The following RHPN2 variants were observed in gnomAD, a reference collection of about 807,000 sequenced individuals.
The protein encoded by RHPN2 is rhophilin-2.
A neutral mutation model predicts 79.0 loss-of-function variants in RHPN2; 40 were observed. That is an observed-to-expected ratio of 0.51 (90% confidence interval 0.39 to 0.66). RHPN2 has a LOEUF of 0.66. Among genes scored for constraint, RHPN2 ranks in the 30% least tolerant of loss-of-function variants. The probability of loss-of-function intolerance (pLI) is 0.00; values close to 1 mark genes in which losing one functional copy is unlikely to be tolerated. For missense variants in RHPN2, 686 were observed against 883.5 expected (o/e 0.78, Z 2.83); for synonymous variants, 285 against 363.5 (o/e 0.78, Z 2.46).
intron 7 of RHPN2, 117 bp downstream of exon 7, chr19:33,007,897 C>G: frequency 4.7e-6 from 5 of 1,068,056 alleles, no homozygotes; most frequent in Non-Finnish European, 6.8e-6. Flanking sequence ...TACACCAGAG[C>G]TGGAGACTGG....
intron 2 of RHPN2, among the ~76,000 whole-genome samples, chr19:33,035,100 G>T (rs1353569225): frequency 6.6e-6 from 1 of 152,018 alleles, no homozygotes; most frequent in Non-Finnish European, 1.5e-5. Context: ...CCAAGTAGCT[G>T]GAGTTACAGT....
At chr19:33,044,484 C>T (rs1248385687) in intron 1 of RHPN2, 120 bp from the exon 2 acceptor site, 15 of 753,662 alleles carry the variant, frequency 2.0e-5, no homozygotes, top group African/African-American at 3.5e-5. Flanking sequence ...AAAGCATCTA[C>T]ATAGAAAATA....
intron 10 of RHPN2, among the ~76,000 whole-genome samples, chr19:32,997,191 G>A (rs1343822583): frequency 2.6e-5 from 4 of 152,022 alleles, no homozygotes; most frequent in South Asian, 2.1e-4. Context: ...GAGTCACCGC[G>A]CCCAGCCCAA....
intron 4 of RHPN2, among the ~76,000 whole-genome samples, chr19:33,018,850 T>C (rs866523822): frequency 6.8e-6 from 1 of 146,562 alleles, no homozygotes; most frequent in Non-Finnish European, 1.5e-5. Context: ...CTGGCCAACA[T>C]AGTGAAACCC....
At chr19:32,986,246 C>G (rs1188558711) in intron 14 of RHPN2, among the ~76,000 whole-genome samples, 1 of 152,202 alleles carries the variant, frequency 6.6e-6, no homozygotes, top group Non-Finnish European at 1.5e-5. Flanking sequence ...GCTTGAAAGT[C>G]AAGCCTTTGC....
intron 1 of RHPN2, among the ~76,000 whole-genome samples, chr19:33,062,080 G>T (rs1972284821): frequency 6.6e-6 from 1 of 152,102 alleles, no homozygotes; most frequent in African/African-American, 2.4e-5. Context: ...GACTTAACAT[G>T]GAGTAGCACA....
At chr19:33,038,681 A>G (rs1972076991) in intron 2 of RHPN2, among the ~76,000 whole-genome samples, 1 of 148,750 alleles carries the variant, frequency 6.7e-6, no homozygotes, top group African/African-American at 2.5e-5. Context: ...GTTAAGAGAC[A>G]GGGTCTCACT....
Position 33,044,294 on chromosome 19 carries a change from A to G in RHPN2, c.140T>C (p.Ile47Thr). 6.2e-7 allele frequency: 1 copy of G among 1,614,106 alleles called. No homozygotes were observed. Among genetic ancestry groups the G allele is most frequent in the South Asian group, 1.1e-5 (1 of 91,082 alleles). ...QNQRAALNQQ[I>T]LKAVRMRTGA... ...GGTCCTCATCCGCACGGCTTTCAGG[A>G]TCTGCTGATTCAAAGCAGCTCTTTG... The change falls in exon 2 of 15, where the codon ATC becomes ACC. Residue 47 changes from isoleucine to threonine, a missense_variant. By Grantham distance (89) the Ile-to-Thr change is moderately conservative (BLOSUM62 -1). Coordinates refer to ENST00000254260, the MANE Select transcript of RHPN2 (RefSeq NM_033103.5).
chr19:33,058,323 C>T (rs1198125078), intron 1 of RHPN2, among the ~76,000 whole-genome samples: 1 of 152,220 alleles, frequency 6.6e-6, no homozygotes, highest in Non-Finnish European at 1.5e-5. Flanking sequence ...GCCCCAGAAC[C>T]TGAGGAGGGG....
chr19:32,996,344 C>T lies in RHPN2; in HGVS notation c.1226-124G>A, dbSNP rs549186207. On this transcript the variant is annotated intron_variant, in intron 10 of 14. Transcript: ENST00000254260. ...AAGGATCTGCCTGGATAGCTAGAGC[C>T]TGTGATACCCTACCTTGTTTTAACC... is the stretch of plus-strand genomic sequence containing the variant. The T allele has an allele frequency of 2.4e-5, 22 of 926,916 alleles. No homozygotes were observed. The South Asian group carries it at 2.7e-4, about 11-fold the overall frequency. 57.4% of individuals were successfully genotyped at this position (926,916 alleles called of 1,614,324 possible).
chr19:33,007,751 T>TTTA (rs1352851908), intron 7 of RHPN2, among the ~76,000 whole-genome samples: 2 of 93,560 alleles, frequency 2.1e-5, no homozygotes, highest in Non-Finnish European at 4.4e-5. Context: ...CCGAGCAAGT[T>TTTA]TTTTTTTTTT....
intron 1 of RHPN2, among the ~76,000 whole-genome samples, chr19:33,047,980 G>C (rs762294858): frequency 6.6e-6 from 1 of 151,922 alleles, no homozygotes; most frequent in Non-Finnish European, 1.5e-5. Flanking sequence ...TTTCCCATCA[G>C]GTCACCACCA....
In RHPN2 at chr19:32,979,458, T is replaced by C. The variant is rs535651144; in HGVS notation, c.*538A>G. 6.5e-6 allele frequency: 1 copy of C among 153,374 alleles called. No individual in the cohort carries two copies. The highest frequency in any genetic ancestry group is 6.5e-5 in the Admixed American group (1 of 15,376). 9.5% of individuals were successfully genotyped at this position (153,374 alleles called of 1,614,324 possible). On this transcript the variant is annotated 3_prime_UTR_variant, in exon 15 of 15. Transcript: ENST00000254260. ...AGACTTTTTCTAGAAATAGCATTCA[T>C]AGTCTATCGATATAATAGTAACATC... is the stretch of plus-strand genomic sequence containing the variant.
chr19:33,054,199 T>TC (rs1415041184), intron 1 of RHPN2, among the ~76,000 whole-genome samples: 2 of 47,272 alleles, frequency 4.2e-5, no homozygotes, highest in Non-Finnish European at 6.8e-5. Flanking sequence ...TCTTCTTTGT[T>TC]TTTTTTTTTT....
intron 14 of RHPN2, among the ~76,000 whole-genome samples, chr19:32,986,270 G>T (rs1307928874): frequency 6.6e-6 from 1 of 152,200 alleles, no homozygotes; most frequent in Non-Finnish European, 1.5e-5. Flanking sequence ...TCTCACAGGG[G>T]GCAGGGCATG....
At chr19:32,987,378 A>G (rs1349057434) in intron 14 of RHPN2, among the ~76,000 whole-genome samples, 3 of 152,138 alleles carry the variant, frequency 2.0e-5, no homozygotes, top group African/African-American at 7.2e-5. Flanking sequence ...CCATGGACTC[A>G]AAATCCATTG....
At chr19:32,981,463 G>T (rs1971574165) in intron 14 of RHPN2, among the ~76,000 whole-genome samples, 1 of 142,002 alleles carries the variant, frequency 7.0e-6, no homozygotes, top group African/African-American at 2.6e-5. Context: ...AGGGAAGAGG[G>T]GAAGGAAAGG....
chr19:33,062,179 C>T (rs1003987197), intron 1 of RHPN2, among the ~76,000 whole-genome samples: 3 of 152,130 alleles, frequency 2.0e-5, no homozygotes, highest in Non-Finnish European at 2.9e-5. Context: ...ATTCTCTCAT[C>T]CAACACCAGA....
At position 33,038,654 on chromosome 19, in the gene RHPN2, A is replaced by G. The variant is rs370863564; in HGVS notation, c.185+5595T>C. ...CAGGCGCACACCACCACACCCAGCT[A>G]ATTTTCTTTTCTTTTTGTTAAGAGA... On this transcript the variant is annotated intron_variant, in intron 2 of 14. Coordinates refer to ENST00000254260, the MANE Select transcript of RHPN2 (RefSeq NM_033103.5). Among the ~76,000 whole-genome samples the G allele has an allele frequency of 2.4e-4, 35 of 147,270 alleles. No homozygotes were observed. The South Asian group carries it at 7.6e-3, about 32-fold the overall frequency.
Sources: allele counts gnomAD v4.1 joint callset (sites outside exome capture counted in the v4.1 genomes callset), GRCh38; gene constraint gnomAD v4.1.1; transcripts MANE v1.5; gene names NCBI Gene and HGNC (gene_info 2026-07-23, HGNC 2026-07-21).